Variants in RP1 observed in about 807,000 individuals in gnomAD.
RP1 encodes the protein oxygen-regulated protein 1.
A neutral mutation model predicts 14.8 loss-of-function variants in RP1; 16 were observed. The observed-to-expected ratio is 1.08, with a 90% CI of 0.73 to 1.65. RP1 has a LOEUF of 1.65. Ranked by LOEUF, RP1 falls within the 40% of genes most tolerant of loss-of-function variation. The pLI is 0.00. For missense variants in RP1, 2,631 were observed against 2,535.0 expected (o/e 1.04, Z -0.81); for synonymous variants, 876 against 883.6 (o/e 0.99, Z 0.15).
intron 24 of RP1, among the ~76,000 whole-genome samples, chr8:54,822,079 A>C (rs1264017415): frequency 6.6e-6 from 1 of 152,240 alleles, no homozygotes; most frequent in African/African-American, 2.4e-5. Flanking sequence ...GCCATGCATT[A>C]GTAATTATAT....
At chr8:54,631,527 T>C (rs1205100062), downstream of RP1, among the ~76,000 whole-genome samples, 3 of 152,026 alleles carry the variant, frequency 2.0e-5, no homozygotes, top group African/African-American at 7.2e-5. Context: ...TGTGGCTTTA[T>C]TACTTCCCCT....
At chr8:54,609,772 C>G (rs369348843) in intron 1 of RP1, among the ~76,000 whole-genome samples, 2 of 152,298 alleles carry the variant, frequency 1.3e-5, no homozygotes, top group African/African-American at 4.8e-5. Flanking sequence ...GCCTGTCTTT[C>G]TGCTACTGGG....
intron 26 of RP1, among the ~76,000 whole-genome samples, chr8:54,853,856 G>C (rs909402442): frequency 1.7e-5 from 2 of 115,762 alleles, no homozygotes; most frequent in African/African-American, 6.6e-5. Flanking sequence ...GAGAAAGGAA[G>C]AGAAAGAAAG....
chr8:54,679,314 CT>C, intron 9 of RP1: 1 of 1,012,720 alleles, frequency 9.9e-7, no homozygotes, highest in South Asian at 1.5e-5. Flanking sequence ...ATAGCCACGT[CT>C]TTTCCCTTTC....
chr8:54,763,293 AGGAG>A (rs1809685586), intron 22 of RP1, among the ~76,000 whole-genome samples: 1 of 152,220 alleles, frequency 6.6e-6, no homozygotes, highest in South Asian at 2.1e-4. Flanking sequence ...TACTTGACCT[AGGAG>A]GGCCTGGAGA....
intron 12 of RP1, among the ~76,000 whole-genome samples, chr8:54,698,473 G>A (rs1185220172): frequency 6.6e-6 from 1 of 152,212 alleles, no homozygotes; most frequent in Non-Finnish European, 1.5e-5. Flanking sequence ...GTGGAAGACA[G>A]TGTGGTGATT....
At chr8:54,604,432 C>G (rs957148757) in intron 1 of RP1, among the ~76,000 whole-genome samples, 1 of 152,148 alleles carries the variant, frequency 6.6e-6, no homozygotes, top group African/African-American at 2.4e-5. Context: ...CTGCTGGATT[C>G]ATTTTGCCAG....
rs942384973 is a variant in RP1, at chr8:54,720,201, A to C, written c.2284A>C (p.Thr762Pro). 15 of 1,535,698 alleles carry C rather than the reference A, an allele frequency of 9.8e-6. No individual in the cohort carries two copies. The African/African-American group carries it at 2.1e-4, about 21-fold the overall frequency. The stretch of plus-strand genomic sequence containing the variant: ...GAATGCATCCATAAGCCTGGAATCT[A>C]CGAAGAGCCCAGGATTGTTTGTTGG... Residue 762 changes from threonine to proline, a missense_variant, in exon 16 of 23, where the codon ACG (threonine) becomes CCG (proline). Physicochemically the swap from Thr to Pro is conservative, Grantham distance 38. Transcript: ENST00000636932.
intron 23 of RP1, among the ~76,000 whole-genome samples, chr8:54,777,499 C>A (rs189079889): frequency 2.6e-5 from 4 of 152,308 alleles, no homozygotes; most frequent in African/African-American, 9.6e-5. Context: ...CCATTTTAAT[C>A]TAGGAAGCAT....
intron 1 of RP1, among the ~76,000 whole-genome samples, chr8:54,602,179 C>T (rs1563322596): frequency 1.3e-5 from 2 of 152,186 alleles, no homozygotes; most frequent in South Asian, 2.1e-4. Context: ...AGTGCTATCC[C>T]TCCCCTCTTC....
intron 27 of RP1, among the ~76,000 whole-genome samples, chr8:54,859,809 C>T (rs992578654): frequency 2.0e-5 from 3 of 152,150 alleles, no homozygotes; most frequent in African/African-American, 7.2e-5. Flanking sequence ...CCAAGCCTCC[C>T]TTGCCAGCAG....
upstream of RP1, among the ~76,000 whole-genome samples, chr8:54,613,820 A>G (rs1387814659): frequency 6.6e-6 from 1 of 152,174 alleles, no homozygotes; most frequent in African/African-American, 2.4e-5. Context: ...ACTTCAAATA[A>G]TCAAAACTAC....
In RP1 at chr8:54,716,316, G is replaced by C. The variant is rs544343674; in HGVS notation, c.2212-3813G>C. 2.0e-5 allele frequency among the ~76,000 whole-genome samples: 3 copies of C among 152,128 alleles called. No individual in the cohort carries two copies. The South Asian group carries it at 6.2e-4, about 32-fold the overall frequency. The stretch of plus-strand genomic sequence containing the variant: ...TATCTTGGTTTCTATCTAGTTGAAA[G>C]ATTAGTCCTTTACAGGTCAATAATA... On this transcript the variant is annotated intron_variant, in intron 15 of 22. Coordinates refer to the RP1 transcript ENST00000636932.
chr8:54,783,126 T>C (rs1379771119), intron 23 of RP1, among the ~76,000 whole-genome samples: 3 of 152,166 alleles, frequency 2.0e-5, no homozygotes, highest in Non-Finnish European at 2.9e-5. Context: ...CACCAAACTG[T>C]GTTACTAGTG....
At chr8:54,724,976 G>T (rs1174954279) in intron 16 of RP1, among the ~76,000 whole-genome samples, 1 of 152,104 alleles carries the variant, frequency 6.6e-6, no homozygotes. Flanking sequence ...CACATTAATT[G>T]TTTTCTCCTC....
chr8:54,760,542 A>C (rs2129369903), intron 22 of RP1, among the ~76,000 whole-genome samples: 2 of 152,270 alleles, frequency 1.3e-5, no homozygotes, highest in South Asian at 4.1e-4. Flanking sequence ...TAATCACATC[A>C]CTCTCCTGTT....
At chr8:54,867,367 A>T (rs796616245) in intron 28 of RP1, among the ~76,000 whole-genome samples, 7 of 152,300 alleles carry the variant, frequency 4.6e-5, no homozygotes, top group African/African-American at 1.7e-4. Flanking sequence ...CATTTTATGA[A>T]ATTCAAGCTC....
intron 28 of RP1, chr8:54,869,832 T>C: frequency 8.5e-7 from 1 of 1,183,218 alleles, no homozygotes; most frequent in East Asian, 3.2e-5. Flanking sequence ...CTTCTTTTTT[T>C]TGCATGGCAG....
chr8:54,727,236 C>T (rs927304018), intron 17 of RP1, among the ~76,000 whole-genome samples: 1 of 151,988 alleles, frequency 6.6e-6, no homozygotes, highest in Non-Finnish European at 1.5e-5. Flanking sequence ...GAGAAATTAG[C>T]CTTTTGATTT....
Sources: allele counts gnomAD v4.1 joint callset (sites outside exome capture counted in the v4.1 genomes callset), GRCh38; gene constraint gnomAD v4.1.1; transcripts MANE v1.5; gene names NCBI Gene and HGNC (gene_info 2026-07-23, HGNC 2026-07-21).